DNAH9: variants seen among roughly 807,000 people sequenced by gnomAD.
The protein encoded by DNAH9 is dynein axonemal heavy chain 9.
A neutral mutation model predicts 471.6 loss-of-function variants in DNAH9; 345 were observed. That is an observed-to-expected ratio of 0.73 (90% CI 0.67 to 0.80). The LOEUF (loss-of-function observed/expected upper bound fraction) is 0.80, where lower values mean the gene tolerates loss of function less well. Among genes scored for constraint, DNAH9 ranks in the 30% least tolerant of loss-of-function variants. DNAH9 has a pLI of 0.00. For synonymous variants in DNAH9, 2,093 were observed against 2,123.6 expected (o/e 0.99, Z 0.40); for missense variants, 5,407 against 5,609.2 (o/e 0.96, Z 1.15).
intron 31 of DNAH9, 110 bp downstream of exon 31, chr17:11,745,194 T>A: frequency 1.1e-6 from 1 of 896,060 alleles, no homozygotes; most frequent in Non-Finnish European, 1.7e-6. Flanking sequence ...TACAAATATG[T>A]ATCTAGTTAG....
chr17:11,669,553 G>A lies in DNAH9; in HGVS notation c.3112G>A (p.Glu1038Lys), dbSNP rs2073941049. 1 of 1,613,994 alleles carries A rather than the reference G, an allele frequency of 6.2e-7. No individual in the cohort carries two copies. The highest frequency in any genetic ancestry group is 1.7e-5 in the Admixed American group (1 of 60,000). Reference protein sequence around the residue: ...FLLYGHILTPEEIEDHVEDGI... With the variant: ...FLLYGHILTPKEIEDHVEDGI... ...GCTGTACGGGCACATCCTCACTCCGGAAGAAATTGAAGACCATGTGGAAGA... is the reference window on the plus strand; with the variant it reads ...GCTGTACGGGCACATCCTCACTCCGAAAGAAATTGAAGACCATGTGGAAGA... The change falls in exon 17 of 69, where the codon GAA (glutamate) becomes AAA (lysine). Residue 1038 changes from glutamate (E) to lysine (K), a missense_variant. By Grantham distance (56) the Glu-to-Lys change is moderately conservative. Around this residue, in one of 3 missense-constraint regions of DNAH9, gnomAD observed 4,636 missense variants for 4,900.3 expected, o/e 0.95. Coordinates refer to ENST00000262442, the MANE Select transcript of DNAH9 (RefSeq NM_001372.4).
chr17:11,705,206 C>T (rs747049447), intron 26 of DNAH9, 21 bp downstream of exon 26: 2 of 1,611,664 alleles, frequency 1.2e-6, no homozygotes, highest in South Asian at 1.1e-5. Flanking sequence ...GTGTCAACCA[C>T]TGACAGCCTT....
intron 67 of DNAH9, among the ~76,000 whole-genome samples, chr17:11,950,356 C>T (rs1975319169): frequency 6.6e-6 from 1 of 152,126 alleles, no homozygotes; most frequent in Non-Finnish European, 1.5e-5. Flanking sequence ...AAAGTAGTTT[C>T]ACTGCCCTAA....
intron 49 of DNAH9, among the ~76,000 whole-genome samples, chr17:11,842,029 G>A (rs988185060): frequency 6.6e-6 from 1 of 151,730 alleles, no homozygotes; most frequent in Non-Finnish European, 1.5e-5. Context: ...TGAGTCCCTT[G>A]GTATATGTAT....
At chr17:11,863,581 G>A (rs901737311) in intron 50 of DNAH9, among the ~76,000 whole-genome samples, 4 of 151,856 alleles carry the variant, frequency 2.6e-5, no homozygotes, top group Admixed American at 1.3e-4. Context: ...GATTGGAATA[G>A]TTTCTGAAGG....
At chr17:11,735,798 A>G (rs2075337699) in intron 28 of DNAH9, among the ~76,000 whole-genome samples, 1 of 152,178 alleles carries the variant, frequency 6.6e-6, no homozygotes, top group Admixed American at 6.5e-5. Flanking sequence ...AACAAACATG[A>G]TAGTTTTCAA....
At chr17:11,816,466 A>C in intron 45 of DNAH9, among the ~76,000 whole-genome samples, 1 of 151,702 alleles carries the variant, frequency 6.6e-6, no homozygotes, top group East Asian at 1.9e-4. Flanking sequence ...ACTATTGGAC[A>C]TGTGCTTTGG....
At chr17:11,784,982 T>A (rs765445601) in intron 41 of DNAH9, among the ~76,000 whole-genome samples, 1 of 152,136 alleles carries the variant, frequency 6.6e-6, no homozygotes, top group Non-Finnish European at 1.5e-5. Flanking sequence ...AAAAACCACA[T>A]TGTCATACTC....
At chr17:11,705,749 TA>T (rs1224232231) in intron 26 of DNAH9, among the ~76,000 whole-genome samples, 1 of 152,142 alleles carries the variant, frequency 6.6e-6, no homozygotes, top group Non-Finnish European at 1.5e-5. Context: ...TCCCAATACA[TA>T]AAAATGATAA....
At chr17:11,678,204 C>T (rs2074079236) in intron 17 of DNAH9, among the ~76,000 whole-genome samples, 1 of 152,088 alleles carries the variant, frequency 6.6e-6, no homozygotes, top group Non-Finnish European at 1.5e-5. Context: ...ACTACAGGCA[C>T]AGGCCACCAT....
At position 11,611,759 on chromosome 17, in the gene DNAH9, A is replaced by G. The variant is rs749484780; in HGVS notation, c.883A>G (p.Met295Val). ...TAGCTACTTTCCAGCTTTCAAAGCC[A>G]TGTACAGAGATGTTGTTGCAGGTGA... ...QSSYFPAFKA[M>V]YRDVVAALAE... The change falls in exon 4 of 69, where the codon ATG becomes GTG. Residue 295 changes from methionine (M) to valine (V), a missense_variant. Around this residue, in one of 3 missense-constraint regions of DNAH9, gnomAD observed 767 missense variants for 692.5 expected, o/e 1.11. Transcript: ENST00000262442. The G allele has an allele frequency of 1.2e-6, 2 of 1,614,108 alleles. No homozygotes were observed. Among genetic ancestry groups the G allele is most frequent in the East Asian group, 2.2e-5 (1 of 44,902 alleles).
chr17:11,718,154 G>C (rs1230176345), intron 26 of DNAH9, among the ~76,000 whole-genome samples: 1 of 152,188 alleles, frequency 6.6e-6, no homozygotes, highest in East Asian at 1.9e-4. Flanking sequence ...TGGGATTACA[G>C]ATGTGAGCCA....
At chr17:11,638,326 A>G (rs780118159) in intron 9 of DNAH9, among the ~76,000 whole-genome samples, 14 of 152,114 alleles carry the variant, frequency 9.2e-5, no homozygotes, top group Non-Finnish European at 1.6e-4. Flanking sequence ...TCCAGAAGCT[A>G]TATCGGTAAC....
chr17:11,942,956 T>C (rs1030402965), intron 67 of DNAH9, among the ~76,000 whole-genome samples: 15 of 146,064 alleles, frequency 1.0e-4, no homozygotes, highest in South Asian at 2.2e-4. Flanking sequence ...AGTGCAGTGG[T>C]GTGATCTCGG....
chr17:11,636,988 A>C (rs2073178685), intron 9 of DNAH9, among the ~76,000 whole-genome samples: 1 of 152,174 alleles, frequency 6.6e-6, no homozygotes, highest in Non-Finnish European at 1.5e-5. Context: ...TCTGGGGCTG[A>C]GATTGGCAGG....
Position 11,651,317 on chromosome 17 carries a change from A to G in DNAH9, c.2346A>G (p.Lys782=). The change falls in exon 13 of 69, where the codon AAA becomes AAG. Residue 782 remains lysine, a synonymous_variant. Coordinates refer to ENST00000262442, the MANE Select transcript of DNAH9 (RefSeq NM_001372.4). ...CAGCAGAGGAGACTTTGAACTGGAA[A>G]ACAGAAGGTAACAGGGCACCATCTG... ...LRAAEETLNW[K]TEGICDYVTE... 1 of 1,612,126 alleles carries G rather than the reference A, an allele frequency of 6.2e-7. No homozygotes were observed. Among genetic ancestry groups the G allele is most frequent in the Non-Finnish European group, 8.5e-7 (1 of 1,179,358 alleles).
intron 51 of DNAH9, among the ~76,000 whole-genome samples, chr17:11,869,665 C>A (rs1440707619): frequency 6.6e-6 from 1 of 152,154 alleles, no homozygotes; most frequent in Non-Finnish European, 1.5e-5. Flanking sequence ...AGAATGAGAC[C>A]TACTGACCCT....
intron 20 of DNAH9, among the ~76,000 whole-genome samples, chr17:11,693,439 A>G (rs955948947): frequency 1.3e-5 from 2 of 149,744 alleles, no homozygotes; most frequent in African/African-American, 4.9e-5. Flanking sequence ...TTCTATTTTT[A>G]GTTGAGACAG....
chr17:11,768,489 C>A lies in DNAH9; in HGVS notation c.7207C>A (p.Leu2403Met), dbSNP rs1198229065. The A allele has an allele frequency of 1.2e-6, 2 of 1,614,024 alleles. No individual in the cohort carries two copies. Among genetic ancestry groups the A allele is most frequent in the African/African-American group, 1.3e-5 (1 of 74,922 alleles). ...CCGGGCAGAGTTCAGCAAATGGTGG[C>A]TGACTGAGTTCAAAACAGTCAAGTT... Reference protein sequence around the residue: ...DYRAEFSKWWLTEFKTVKFPS... With the variant: ...DYRAEFSKWWMTEFKTVKFPS... The change falls in exon 37 of 69, where the codon CTG becomes ATG. Residue 2403 changes from leucine (L) to methionine (M), a missense_variant. Leu to Met is a conservative substitution (Grantham distance 15, BLOSUM62 2). This residue lies in a region of DNAH9 where 4,636 missense variants were observed against 4,900.3 expected (regional missense o/e 0.95). Transcript: ENST00000262442.
Sources: allele counts gnomAD v4.1 joint callset (sites outside exome capture counted in the v4.1 genomes callset), GRCh38; gene constraint gnomAD v4.1.1; regional missense constraint gnomAD v4.1.1; transcripts MANE v1.5; gene names NCBI Gene and HGNC (gene_info 2026-07-23, HGNC 2026-07-21).